UBXN4: variants seen among roughly 807,000 people sequenced by gnomAD.
The protein encoded by UBXN4 is UBX domain-containing protein 4.
In UBXN4, 35 loss-of-function variants were observed where a neutral mutation model predicts 66.2. That is an observed-to-expected ratio of 0.53 (90% CI 0.40 to 0.70). The LOEUF (loss-of-function observed/expected upper bound fraction) is 0.70. Among genes scored for constraint, UBXN4 ranks in the 30% least tolerant of loss-of-function variants. The pLI is 0.00. For missense variants in UBXN4, 533 were observed against 599.8 expected (o/e 0.89, Z 1.16); for synonymous variants, 203 against 204.5 (o/e 0.99, Z 0.06).
At chr2:135,748,206 G>T in intron 1 of UBXN4, 61 bp from the exon 2 acceptor site, 1 of 1,308,888 alleles carries the variant, frequency 7.6e-7, no homozygotes, top group South Asian at 1.6e-5. Context: ...TTTTCCAGGG[G>T]AAAAGAGTTT....
chr2:135,776,298 A>G lies in UBXN4; in HGVS notation c.1000A>G (p.Asn334Asp). The change falls in exon 10 of 13, where the codon AAT becomes GAT. Residue 334 changes from asparagine (N) to aspartate (D), a missense_variant. Transcript: ENST00000272638. ...FRLPDGSSFT[N>D]QFPSDAPLEE... ...TCTTCCTGATGGTTCTTCCTTTACA[A>G]ATCAGTTCCCTTCTGATGCTCCTCT... The G allele has an allele frequency of 6.2e-7, 1 of 1,614,024 alleles. No homozygotes were observed.
At chr2:135,779,803 T>C (rs1160069421) in intron 11 of UBXN4, among the ~76,000 whole-genome samples, 1 of 148,000 alleles carries the variant, frequency 6.8e-6, no homozygotes, top group Non-Finnish European at 1.5e-5. Flanking sequence ...AAAATTACAA[T>C]TGTATATATA....
intron 4 of UBXN4, 73 bp downstream of exon 4, chr2:135,754,350 C>G: frequency 3.4e-6 from 4 of 1,182,278 alleles, no homozygotes; most frequent in Non-Finnish European, 5.0e-6. Flanking sequence ...GAGATGGAGT[C>G]TCGTTCTGTC....
rs1469010370 is a variant in UBXN4, at chr2:135,770,594, G to C, written c.681G>C (p.Glu227Asp). The C allele has an allele frequency of 6.6e-6, 10 of 1,517,890 alleles. No homozygotes were observed. Among genetic ancestry groups the C allele is most frequent in the Non-Finnish European group, 8.8e-6 (10 of 1,136,678 alleles). 94.0% of individuals were successfully genotyped at this position (1,517,890 alleles called of 1,614,324 possible). The change falls in exon 8 of 13, where the codon GAG becomes GAC. Residue 227 changes from glutamate to aspartate, a missense_variant. Coordinates refer to ENST00000272638, the MANE Select transcript of UBXN4 (RefSeq NM_014607.4). Reference sequence around the variant, plus strand: ...AGAGAGAAATTAAGAAGGAAATTGAGAGGAGAAAAACTGGAAAAGAAATGT... The same window carrying C: ...AGAGAGAAATTAAGAAGGAAATTGACAGGAGAAAAACTGGAAAAGAAATGT... ...EEQREIKKEI[E>D]RRKTGKEMLD... is the part of the protein sequence containing the mutation.
intron 9 of UBXN4, among the ~76,000 whole-genome samples, chr2:135,773,499 T>G (rs1339508894): frequency 6.6e-6 from 1 of 152,186 alleles, no homozygotes; most frequent in Non-Finnish European, 1.5e-5. Context: ...TTCAGAGTAG[T>G]CAGTGTCCAC....
chr2:135,763,162 G>A (rs1238177438), intron 6 of UBXN4, among the ~76,000 whole-genome samples: 2 of 152,176 alleles, frequency 1.3e-5, no homozygotes, highest in African/African-American at 4.8e-5. Context: ...CATTGACAAT[G>A]ACAATAACTA....
intron 6 of UBXN4, among the ~76,000 whole-genome samples, chr2:135,768,331 T>C (rs2077360035): frequency 6.6e-6 from 1 of 151,824 alleles, no homozygotes; most frequent in Admixed American, 6.6e-5. Flanking sequence ...CCTGAGTAGC[T>C]GGGATTACAG....
In UBXN4 at chr2:135,776,252, T is replaced by G; in HGVS notation, c.954T>G (p.Thr318=). ...KRESYARERS[T]VARIQFRLPD... ...CTTTAATTTTCTTTTTTCATAGCAC[T>G]GTTGCAAGAATTCAATTCCGTCTTC... Residue 318 remains threonine, a synonymous_variant, in exon 10 of 13, where the codon ACT becomes ACG. Transcript: ENST00000272638. 3 of 1,613,634 alleles carry G rather than the reference T, an allele frequency of 1.9e-6. 1 individual carries two copies. The South Asian group carries it at 3.3e-5, about 18-fold the overall frequency.
At chr2:135,782,655 T>C (rs2077457207) in intron 12 of UBXN4, 94 bp from the exon 13 acceptor site, 17 of 1,459,586 alleles carry the variant, frequency 1.2e-5, no homozygotes, top group Non-Finnish European at 1.6e-5. Context: ...AAGTAAAACT[T>C]AGTTGCCTGT....
At chr2:135,756,092 A>G (rs1231066900) in intron 5 of UBXN4, among the ~76,000 whole-genome samples, 2 of 152,200 alleles carry the variant, frequency 1.3e-5, no homozygotes, top group African/African-American at 4.8e-5. Flanking sequence ...GAATAGTGTT[A>G]TATATATTTT....
chr2:135,780,641 A>G (rs950459764), intron 12 of UBXN4, among the ~76,000 whole-genome samples: 1 of 152,182 alleles, frequency 6.6e-6, no homozygotes, highest in Non-Finnish European at 1.5e-5. Flanking sequence ...TGTTTCATTC[A>G]TTGAAGTTTC....
At chr2:135,781,909 CAAA>C (rs1296979475) in intron 12 of UBXN4, among the ~76,000 whole-genome samples, 1 of 151,838 alleles carries the variant, frequency 6.6e-6, no homozygotes, top group Non-Finnish European at 1.5e-5. Flanking sequence ...TCCATCTCTA[CAAA>C]AAAAACTTTT....
At chr2:135,749,533 A>G (rs1669465640) in intron 2 of UBXN4, among the ~76,000 whole-genome samples, 1 of 152,192 alleles carries the variant, frequency 6.6e-6, no homozygotes, top group African/African-American at 2.4e-5. Flanking sequence ...TGTTTCATCT[A>G]TACCTCCACC....
intron 5 of UBXN4, among the ~76,000 whole-genome samples, chr2:135,757,373 T>G (rs953992777): frequency 6.6e-6 from 1 of 152,264 alleles, no homozygotes; most frequent in African/African-American, 2.4e-5. Context: ...CTTTTTATTT[T>G]GAAATAGTTT....
chr2:135,743,605 T>C (rs555540938), intron 1 of UBXN4, among the ~76,000 whole-genome samples: 28 of 152,328 alleles, frequency 1.8e-4, no homozygotes, highest in Admixed American at 1.2e-3. Flanking sequence ...AAACTGGCTT[T>C]TTTGTTTCTT....
intron 1 of UBXN4, 50 bp downstream of exon 1, chr2:135,742,061 C>G: frequency 6.3e-7 from 1 of 1,595,106 alleles, no homozygotes; most frequent in Non-Finnish European, 8.5e-7. Context: ...CTCCGGCCTA[C>G]CTTCATCCTC....
chr2:135,772,650 C>G, intron 9 of UBXN4, 103 bp downstream of exon 9: 1 of 1,412,120 alleles, frequency 7.1e-7, no homozygotes, highest in Non-Finnish European at 9.7e-7. Context: ...ATAAGCAGTC[C>G]ATTCCAGAGG....
intron 8 of UBXN4, 105 bp from the exon 9 acceptor site, chr2:135,772,315 C>T (rs1271283312): frequency 1.5e-6 from 2 of 1,376,128 alleles, no homozygotes; most frequent in Admixed American, 2.2e-5. Flanking sequence ...ACAGCAAGAC[C>T]CTGTCTCTTA....
At position 135,780,263 on chromosome 2, in the gene UBXN4, C is replaced by G; in HGVS notation, c.1266C>G (p.Phe422Leu). 2 of 1,614,192 alleles carry G rather than the reference C, an allele frequency of 1.2e-6. No homozygotes were observed. Among genetic ancestry groups the G allele is most frequent in the African/African-American group, 1.3e-5 (1 of 75,048 alleles). ...TGTTGGGAACAGTGCTTTATCCATT[C>G]CTTGCCATCTGGAGATTAATTAGCA... ...WTLLGTVLYPFLAIWRLISNF... is the reference protein window; with the variant it reads ...WTLLGTVLYPLLAIWRLISNF... The change falls in exon 12 of 13, where the codon TTC becomes TTG. Residue 422 changes from phenylalanine (F) to leucine (L), a missense_variant. Physicochemically the swap from Phe to Leu is conservative, Grantham distance 22. Around this residue, in one of 2 missense-constraint regions of UBXN4, gnomAD observed 529 missense variants for 580.1 expected, o/e 0.91. Coordinates refer to ENST00000272638, the MANE Select transcript of UBXN4 (RefSeq NM_014607.4).
Sources: gnomAD v4.1 joint callset for allele counts (sites outside exome capture counted in the v4.1 genomes callset) on GRCh38, gnomAD v4.1.1 for gene constraint, gnomAD v4.1.1 regional missense constraint, MANE v1.5 for transcripts, NCBI Gene and HGNC (gene_info 2026-07-23, HGNC 2026-07-21) for gene names.